The following KCTD16 variants were observed in gnomAD, a reference collection of about 807,000 sequenced individuals.
The protein encoded by KCTD16 is potassium channel tetramerization domain containing 16.
In KCTD16, 13 loss-of-function variants were observed where a neutral mutation model predicts 33.2. The observed-to-expected ratio is 0.39, with a 90% CI of 0.25 to 0.62. KCTD16 has a LOEUF of 0.62. KCTD16 is among the 20% of genes least tolerant of loss of function. KCTD16 has a pLI of 0.50. For synonymous variants in KCTD16, 197 were observed against 195.3 expected (o/e 1.01, Z -0.07); for missense variants, 441 against 525.1 (o/e 0.84, Z 1.57).
intron 3 of KCTD16, among the ~76,000 whole-genome samples, chr5:144,472,369 C>T (rs1260948138): frequency 6.6e-6 from 1 of 152,154 alleles, no homozygotes; most frequent in Non-Finnish European, 1.5e-5. Context: ...TAGGAAGTTG[C>T]TTTGTGCCAT....
At chr5:144,287,637 T>A (rs75901386) in intron 3 of KCTD16, among the ~76,000 whole-genome samples, 2,363 of 152,062 alleles carry the variant, frequency 0.016, 36 homozygotes, top group Middle Eastern at 0.034. Context: ...AATAATAATA[T>A]TATTATTATT....
chr5:144,177,697 C>T (rs1229077550), intron 2 of KCTD16, among the ~76,000 whole-genome samples: 1 of 152,142 alleles, frequency 6.6e-6, no homozygotes, highest in African/African-American at 2.4e-5. Flanking sequence ...GTTGGTTTAG[C>T]ACCTACCCAG....
At chr5:144,386,233 G>A (rs76157088) in intron 3 of KCTD16, among the ~76,000 whole-genome samples, 2,999 of 152,302 alleles carry the variant, frequency 0.02, 45 homozygotes, top group Non-Finnish European at 0.028. Flanking sequence ...TGTGAACTGA[G>A]TGTAGCTAGG....
At chr5:144,358,577 C>T (rs1751628034) in intron 3 of KCTD16, among the ~76,000 whole-genome samples, 1 of 152,166 alleles carries the variant, frequency 6.6e-6, no homozygotes, top group Admixed American at 6.5e-5. Flanking sequence ...TCCTCTTCCC[C>T]ATTGGCCCTG....
chr5:144,181,285 T>C (rs1489637354), intron 2 of KCTD16, among the ~76,000 whole-genome samples: 1 of 152,214 alleles, frequency 6.6e-6, no homozygotes, highest in Non-Finnish European at 1.5e-5. Flanking sequence ...AACATGTTTT[T>C]AAAACCACCA....
chr5:144,199,403 T>C (rs1752999164), intron 2 of KCTD16, among the ~76,000 whole-genome samples: 1 of 152,172 alleles, frequency 6.6e-6, no homozygotes, highest in South Asian at 2.1e-4. Context: ...TAACACGACA[T>C]GGATCAACAG....
intron 3 of KCTD16, among the ~76,000 whole-genome samples, chr5:144,285,182 A>G (rs1755710712): frequency 1.3e-5 from 2 of 152,232 alleles, no homozygotes; most frequent in South Asian, 4.1e-4. Context: ...GACTGAAGTA[A>G]GTTTCCTGCT....
intron 3 of KCTD16, among the ~76,000 whole-genome samples, chr5:144,358,932 G>A (rs1751639195): frequency 6.6e-6 from 1 of 152,072 alleles, no homozygotes; most frequent in African/African-American, 2.4e-5. Flanking sequence ...GAGTATAGGG[G>A]GTGGATATAA....
intron 3 of KCTD16, chr5:144,439,489 T>C (rs1432130715): frequency 8.0e-6 from 2 of 249,042 alleles, no homozygotes; most frequent in Non-Finnish European, 1.6e-5. Context: ...AGTTGGCAAG[T>C]CACCTTCCAG....
At chr5:144,406,847 G>A (rs570890197) in intron 3 of KCTD16, among the ~76,000 whole-genome samples, 1 of 152,258 alleles carries the variant, frequency 6.6e-6, no homozygotes, top group African/African-American at 2.4e-5. Flanking sequence ...TTCAGCTGCT[G>A]CCAGCCTCTG....
intron 1 of KCTD16, 148 bp downstream of exon 1, chr5:144,171,157 T>C (rs1752373956): frequency 6.6e-6 from 1 of 151,976 alleles, no homozygotes; most frequent in Non-Finnish European, 1.5e-5. Context: ...CCACCTGGAG[T>C]TGGTGGTGGA....
At chr5:144,427,381 C>T (rs1312676209) in intron 3 of KCTD16, among the ~76,000 whole-genome samples, 3 of 151,906 alleles carry the variant, frequency 2.0e-5, no homozygotes, top group Non-Finnish European at 2.9e-5. Context: ...TTCCAGTGAC[C>T]TCGCTTTTTG....
At chr5:144,357,862 CA>C (rs1433835719) in intron 3 of KCTD16, among the ~76,000 whole-genome samples, 1 of 152,210 alleles carries the variant, frequency 6.6e-6, no homozygotes, top group African/African-American at 2.4e-5. Context: ...AAGTGTGCTC[CA>C]AGAACACCTG....
intron 3 of KCTD16, among the ~76,000 whole-genome samples, chr5:144,455,960 C>T (rs1253256615): frequency 2.6e-5 from 4 of 152,064 alleles, no homozygotes; most frequent in African/African-American, 4.8e-5. Flanking sequence ...GACAGTGAGC[C>T]ATTACTGTGT....
At chr5:144,343,045 TG>T (rs1198615405) in intron 3 of KCTD16, among the ~76,000 whole-genome samples, 11 of 152,344 alleles carry the variant, frequency 7.2e-5, no homozygotes, top group Non-Finnish European at 2.9e-5. Context: ...ATTCTCTTTT[TG>T]GTTGTGTCTC....
rs561488795 is a variant in KCTD16 at position 144,480,084 on chromosome 5, A to G, written c.*5970A>G. 3.3e-5 allele frequency: 5 copies of G among 152,166 alleles called. No homozygotes were observed. Among genetic ancestry groups the G allele is most frequent in the Admixed American group, 3.3e-4 (5 of 15,242 alleles). 9.4% of individuals were successfully genotyped at this position (152,166 alleles called of 1,614,324 possible). ...CTTCCTGCTGATGTGGTCTCCATCC[A>G]TCACAAATGGAAGCAGAACTGATGC... On this transcript the variant is annotated 3_prime_UTR_variant, in exon 4 of 4. Coordinates refer to ENST00000512467, the MANE Select transcript of KCTD16 (RefSeq NM_020768.4).
intron 3 of KCTD16, among the ~76,000 whole-genome samples, chr5:144,434,565 C>T (rs73296089): frequency 0.05 from 7,587 of 151,894 alleles, 644 homozygotes; most frequent in African/African-American, 0.17. Context: ...CATGTTTTTC[C>T]ATCAGTTTTC....
chr5:144,471,280 G>A (rs712171), intron 3 of KCTD16, among the ~76,000 whole-genome samples: 65,079 of 152,072 alleles, frequency 0.43, 14,145 homozygotes, highest in East Asian at 0.67. Context: ...AGCTTACCAT[G>A]GGGAAGGTGA....
rs1752480846 is a variant in KCTD16 at position 144,335,979 on chromosome 5, G to T, written c.832+128433G>T. Among the ~76,000 whole-genome samples, 3 of 152,230 alleles carry T rather than the reference G, an allele frequency of 2.0e-5. No individual in the cohort carries two copies. In the South Asian group the frequency reaches 6.2e-4, roughly 32 times the overall value. On this transcript the variant is annotated intron_variant, in intron 3 of 3. Coordinates refer to ENST00000512467, the MANE Select transcript of KCTD16 (RefSeq NM_020768.4). ...TAAAATGCTTCAGTACCCCTGTTGG[G>T]CAGGGTTTTCTTGTGCTTTTTGATA...
Sources: gnomAD v4.1 joint callset for allele counts (sites outside exome capture counted in the v4.1 genomes callset) on GRCh38, gnomAD v4.1.1 for gene constraint, MANE v1.5 for transcripts, NCBI Gene and HGNC (gene_info 2026-07-23, HGNC 2026-07-21) for gene names.